The following MYH15 variants were observed in gnomAD, a reference collection of about 807,000 sequenced individuals.
MYH15 encodes myosin heavy chain 15.
In MYH15, 227 loss-of-function variants were observed where a neutral mutation model predicts 240.5. The ratio of observed to expected loss-of-function variants is 0.94; its 90% CI spans 0.85 to 1.05. The LOEUF is 1.05. Among genes scored for constraint, MYH15 ranks in the 50% least tolerant of loss-of-function variants. MYH15 has a pLI of 0.00. For synonymous variants in MYH15, 785 were observed against 796.7 expected (o/e 0.99, Z 0.25); for missense variants, 2,217 against 2,247.5 (o/e 0.99, Z 0.27).
At chr3:108,455,918 C>G in intron 19 of MYH15, 59 bp from the exon 20 acceptor site, 1 of 1,509,216 alleles carries the variant, frequency 6.6e-7, no homozygotes, top group Non-Finnish European at 9.2e-7. Flanking sequence ...CAAATAAAGA[C>G]TAATCTAGAC....
Position 108,463,263 on chromosome 3 carries a change from T to G in MYH15, c.1732-20A>C, listed in dbSNP as rs766332084. On this transcript the variant is annotated intron_variant, in intron 15 of 40. Transcript: ENST00000693548. ...AGGTACCTTTGGAAAGGCATGCATTTCAGGTTAAAAAAAGAAAAAAAACTG... is the reference window on the plus strand; with the variant it reads ...AGGTACCTTTGGAAAGGCATGCATTGCAGGTTAAAAAAAGAAAAAAAACTG... The G allele has an allele frequency of 2.5e-6, 4 of 1,582,834 alleles. No individual in the cohort carries two copies. The highest frequency in any genetic ancestry group is 3.4e-6 in the Non-Finnish European group (4 of 1,171,782).
intron 30 of MYH15, among the ~76,000 whole-genome samples, chr3:108,411,416 C>T (rs2082592172): frequency 6.6e-6 from 1 of 152,170 alleles, no homozygotes; most frequent in Non-Finnish European, 1.5e-5. Context: ...TGTGGCTCCT[C>T]AACATGACAC....
At chr3:108,417,619 C>G (rs2082644425) in intron 28 of MYH15, among the ~76,000 whole-genome samples, 1 of 152,098 alleles carries the variant, frequency 6.6e-6, no homozygotes, top group African/African-American at 2.4e-5. Flanking sequence ...CTATCATACT[C>G]TAGTCTATCG....
Position 108,495,749 on chromosome 3 carries a change from C to T in MYH15, c.711+31G>A, listed in dbSNP as rs753541572. The T allele has an allele frequency of 3.2e-6, 5 of 1,545,770 alleles. No individual in the cohort carries two copies. The South Asian group carries it at 4.6e-5, about 14-fold the overall frequency. On this transcript the variant is annotated intron_variant, in intron 7 of 40. Transcript: ENST00000693548. The stretch of plus-strand genomic sequence containing the variant: ...TTTACCATTGCTTACAAATTAAATA[C>T]TTTGATATTATGCTAAATCATGTTA...
intron 18 of MYH15, 61 bp from the exon 19 acceptor site, chr3:108,456,944 T>C: frequency 8.4e-7 from 1 of 1,184,844 alleles, no homozygotes; most frequent in Non-Finnish European, 1.2e-6. Context: ...GGGACAGATT[T>C]TGAACCAATT....
At chr3:108,478,163 A>G (rs1048964371) in intron 11 of MYH15, among the ~76,000 whole-genome samples, 5 of 152,154 alleles carry the variant, frequency 3.3e-5, no homozygotes, top group African/African-American at 1.2e-4. Flanking sequence ...ACAAAACACA[A>G]TTAGAGAGCT....
At position 108,456,853 on chromosome 3, in the gene MYH15, T is replaced by A. The variant is rs1409620131; in HGVS notation, c.2051A>T (p.Gln684Leu). The change falls in exon 19 of 41, where the codon CAG becomes CTG. Residue 684 changes from glutamine to leucine, a missense_variant. Transcript: ENST00000693548. Reference sequence around the variant, plus strand: ...TTCCAAGACACCATTACAGCGCAACTGCTGTAGAACCAAGTAAGGGTCCAG... The same window carrying A: ...TTCCAAGACACCATTACAGCGCAACAGCTGTAGAACCAAGTAAGGGTCCAG... Reference protein sequence around the residue: ...GILDPYLVLQQLRCNGVLEGT... With the variant: ...GILDPYLVLQLLRCNGVLEGT... 1.9e-6 allele frequency: 3 copies of A among 1,612,850 alleles called. No individual in the cohort carries two copies. Among genetic ancestry groups the A allele is most frequent in the Non-Finnish European group, 2.5e-6 (3 of 1,179,284 alleles).
At chr3:108,445,427 T>C (rs1264560105) in intron 21 of MYH15, among the ~76,000 whole-genome samples, 1 of 152,164 alleles carries the variant, frequency 6.6e-6, no homozygotes, top group Non-Finnish European at 1.5e-5. Context: ...GCTTCAGATT[T>C]TTTTTTAATG....
intron 40 of MYH15, among the ~76,000 whole-genome samples, chr3:108,381,770 C>CT (rs2082345262): frequency 6.6e-6 from 1 of 152,210 alleles, no homozygotes; most frequent in Admixed American, 6.5e-5. Context: ...CTCGGTCACT[C>CT]TCAATTTTCT....
chr3:108,471,180 C>T (rs182385128), intron 12 of MYH15, among the ~76,000 whole-genome samples: 4 of 151,808 alleles, frequency 2.6e-5, no homozygotes, highest in Admixed American at 6.6e-5. Flanking sequence ...AGTAAGCTAG[C>T]CTGGTGCCTC....
At chr3:108,414,531 C>A in intron 29 of MYH15, 103 bp from the exon 30 acceptor site, 2 of 1,022,852 alleles carry the variant, frequency 2.0e-6, no homozygotes, top group Non-Finnish European at 2.8e-6. Context: ...TAACAACCTG[C>A]CACAAATTCA....
In MYH15 at chr3:108,519,203, T is replaced by A. The variant is rs145611040; in HGVS notation, c.-57-8616A>T. ...AAAGCATCACCACTTCATTTTTAAG[T>A]TGGATGAGAAAAATTTAGATTTGTG... On this transcript the variant is annotated intron_variant, in intron 1 of 41. Transcript: ENST00000273353. Among the ~76,000 whole-genome samples the A allele has an allele frequency of 2.0e-5, 3 of 152,258 alleles. No individual in the cohort carries two copies. In the East Asian group the frequency reaches 5.8e-4, roughly 29 times the overall value.
intron 21 of MYH15, among the ~76,000 whole-genome samples, chr3:108,450,678 A>G (rs2082964814): frequency 6.6e-6 from 1 of 152,238 alleles, no homozygotes; most frequent in African/African-American, 2.4e-5. Flanking sequence ...AAATTTGCTT[A>G]GAGAGTAGAC....
At position 108,490,588 on chromosome 3, in the gene MYH15, C is replaced by A. The variant is rs1177292524; in HGVS notation, c.871+1912G>T. On this transcript the variant is annotated intron_variant, in intron 9 of 40. Coordinates refer to ENST00000693548, the MANE Select transcript of MYH15 (RefSeq NM_014981.3). ...CCCTACGTTACCCTCTCTACTCTAC[C>A]ACCCACAGTGGCCATTTTGCTATTC... Among the ~76,000 whole-genome samples, 4 of 152,330 alleles carry A rather than the reference C, an allele frequency of 2.6e-5. No homozygotes were observed. The East Asian group carries it at 7.7e-4, about 29-fold the overall frequency.
chr3:108,436,689 C>T (rs761966511), intron 25 of MYH15, among the ~76,000 whole-genome samples: 3 of 152,170 alleles, frequency 2.0e-5, no homozygotes, highest in Non-Finnish European at 4.4e-5. Flanking sequence ...TGGGCACATG[C>T]CATCACGCCC....
Position 108,441,261 on chromosome 3 carries a change from C to T in MYH15, c.2656-1G>A. 1.9e-6 allele frequency: 3 copies of T among 1,613,794 alleles called. 1 individual carries two copies. The South Asian group carries it at 3.3e-5, about 18-fold the overall frequency. On this transcript the variant is annotated splice_acceptor_variant, in intron 22 of 40. Transcript: ENST00000693548. LOFTEE classifies it high-confidence loss of function. ...CAACATTTGCCAGTGTCTCTTGCTC[C>T]TGCCATGATGAGGAGAAAATTGTTG...
intron 40 of MYH15, among the ~76,000 whole-genome samples, chr3:108,383,136 A>G (rs1435584407): frequency 6.6e-6 from 1 of 152,196 alleles, no homozygotes; most frequent in Non-Finnish European, 1.5e-5. Flanking sequence ...AGACTCTGGT[A>G]TTTGTTTTCC....
chr3:108,493,288 A>G (rs1157642436), intron 7 of MYH15, 111 bp from the exon 8 acceptor site: 1 of 647,290 alleles, frequency 1.5e-6, no homozygotes, highest in East Asian at 2.9e-5. Flanking sequence ...CTACTTCCCC[A>G]GAAGTAAAAA....
intron 9 of MYH15, among the ~76,000 whole-genome samples, chr3:108,486,837 G>A (rs1231728700): frequency 2.0e-5 from 3 of 152,138 alleles, no homozygotes; most frequent in South Asian, 2.1e-4. Context: ...AAAAAGACAC[G>A]TAATGTGTGT....
Sources: gnomAD v4.1 joint callset for allele counts (sites outside exome capture counted in the v4.1 genomes callset) on GRCh38, gnomAD v4.1.1 for gene constraint, MANE v1.5 for transcripts, NCBI Gene and HGNC (gene_info 2026-07-23, HGNC 2026-07-21) for gene names.